Variants in FAM13A observed in about 807,000 individuals in gnomAD.
FAM13A encodes protein FAM13A.
Under a neutral mutation model 129.6 loss-of-function variants are expected in FAM13A, and 76 were observed. That is an observed-to-expected ratio of 0.59 (90% CI 0.49 to 0.71). The LOEUF (loss-of-function observed/expected upper bound fraction) is 0.71. FAM13A is among the 30% of genes least tolerant of loss of function. The pLI is 0.00. For synonymous variants in FAM13A, 443 were observed against 449.9 expected, an observed-to-expected ratio of 0.98 and a Z score of 0.20; for missense variants, 1,108 against 1,249.3, an observed-to-expected ratio of 0.89 and a Z score of 1.70.
At chr4:89,035,412 C>T (rs576447064) in intron 1 of FAM13A, among the ~76,000 whole-genome samples, 1 of 149,314 alleles carries the variant, frequency 6.7e-6, no homozygotes, top group Non-Finnish European at 1.5e-5. Flanking sequence ...TTAGCTACTT[C>T]CATTGGGATA....
intron 8 of FAM13A, among the ~76,000 whole-genome samples, chr4:88,800,942 A>G (rs963301959): frequency 2.0e-5 from 3 of 152,084 alleles, no homozygotes; most frequent in Non-Finnish European, 4.4e-5. Flanking sequence ...CTCCCATGTG[A>G]TAATGAAGGA....
At chr4:88,932,024 G>A (rs1027753697) in intron 5 of FAM13A, among the ~76,000 whole-genome samples, 1 of 152,174 alleles carries the variant, frequency 6.6e-6, no homozygotes, top group African/African-American at 2.4e-5. Context: ...TACAGAAGAG[G>A]TTAGGAATAG....
At chr4:88,831,305 T>C (rs1300182837) in intron 7 of FAM13A, among the ~76,000 whole-genome samples, 1 of 152,208 alleles carries the variant, frequency 6.6e-6, no homozygotes, top group Non-Finnish European at 1.5e-5. Flanking sequence ...ACACCTGAGA[T>C]CAGCTGCCTT....
intron 19 of FAM13A, among the ~76,000 whole-genome samples, chr4:88,745,192 A>T (rs1365157097): frequency 1.3e-5 from 2 of 152,148 alleles, no homozygotes; most frequent in Non-Finnish European, 2.9e-5. Context: ...TGTCTGTAAC[A>T]TCATTTAATC....
chr4:88,781,437 G>T (rs1722840176), intron 10 of FAM13A, 86 bp from the exon 11 acceptor site: 2 of 911,938 alleles, frequency 2.2e-6, no homozygotes, highest in Non-Finnish European at 3.2e-6. Flanking sequence ...TCATACCTAG[G>T]AAATCCAAAG....
chr4:88,848,355 T>C (rs938674469), intron 7 of FAM13A, among the ~76,000 whole-genome samples: 9 of 152,220 alleles, frequency 5.9e-5, no homozygotes, highest in African/African-American at 2.2e-4. Context: ...TTCTATTACC[T>C]CCTGGCTTGC....
rs188608503 is a variant in FAM13A, at chr4:89,001,077, A to C, written c.428-9927T>G. ...GTTAATACTATCTCACAGAGTCAAA[A>C]GCCATATAAGGAAAATAAAGATGCA... On this transcript the variant is annotated intron_variant, in intron 3 of 23. Transcript: ENST00000264344. Among the ~76,000 whole-genome samples, 13 of 152,384 alleles carry C rather than the reference A, an allele frequency of 8.5e-5. No homozygotes were observed. The East Asian group carries it at 2.5e-3, about 29-fold the overall frequency.
chr4:88,896,142 T>C (rs1194423769), intron 6 of FAM13A, among the ~76,000 whole-genome samples: 5 of 151,568 alleles, frequency 3.3e-5, no homozygotes, highest in Non-Finnish European at 5.9e-5. Context: ...AAATTGGAAA[T>C]CATCATTCTC....
At chr4:89,047,659 T>A (rs1003322108) in intron 1 of FAM13A, among the ~76,000 whole-genome samples, 1 of 152,118 alleles carries the variant, frequency 6.6e-6, no homozygotes, top group African/African-American at 2.4e-5. Context: ...CTAGGCTGGG[T>A]TGGCACAGTA....
At chr4:88,747,420 A>G (rs1369603131) in intron 18 of FAM13A, among the ~76,000 whole-genome samples, 1 of 152,212 alleles carries the variant, frequency 6.6e-6, no homozygotes, top group African/African-American at 2.4e-5. Context: ...TAATCTATAC[A>G]ATAGAGTTTT....
intron 4 of FAM13A, among the ~76,000 whole-genome samples, chr4:88,942,553 C>T (rs928162592): frequency 1.3e-5 from 2 of 149,820 alleles, no homozygotes; most frequent in Admixed American, 6.7e-5. Context: ...GGTAACAGAG[C>T]AAGACTCCAT....
intron 21 of FAM13A, among the ~76,000 whole-genome samples, chr4:88,734,630 C>T (rs890692371): frequency 3.9e-5 from 6 of 152,216 alleles, no homozygotes; most frequent in Non-Finnish European, 8.8e-5. Context: ...GATCTGTTCC[C>T]TTGGGGACAT....
chr4:89,055,251 G>C (rs182926477), intron 1 of FAM13A, among the ~76,000 whole-genome samples: 13 of 152,118 alleles, frequency 8.5e-5, no homozygotes, highest in Admixed American at 5.9e-4. Flanking sequence ...TTCTCCAAAA[G>C]CTATCTTTTT....
chr4:89,009,520 T>C (rs548725684), intron 3 of FAM13A, among the ~76,000 whole-genome samples: 94 of 152,340 alleles, frequency 6.2e-4, no homozygotes, highest in African/African-American at 2.2e-3. Context: ...GCCAGGCTTT[T>C]ATTAATGTTA....
At chr4:88,821,002 G>A (rs924364265) in intron 7 of FAM13A, among the ~76,000 whole-genome samples, 1 of 152,146 alleles carries the variant, frequency 6.6e-6, no homozygotes, top group Non-Finnish European at 1.5e-5. Context: ...CTAAGGCTCT[G>A]GAACCTTCCT....
intron 7 of FAM13A, among the ~76,000 whole-genome samples, chr4:88,834,804 C>A (rs1169898457): frequency 6.6e-6 from 1 of 152,060 alleles, no homozygotes; most frequent in African/African-American, 2.4e-5. Flanking sequence ...CAAGTGATAC[C>A]TGAATGAATA....
At chr4:88,996,129 T>C (rs1417353778) in intron 3 of FAM13A, among the ~76,000 whole-genome samples, 2 of 151,830 alleles carry the variant, frequency 1.3e-5, no homozygotes, top group Non-Finnish European at 1.5e-5. Flanking sequence ...GTGGGTGGGG[T>C]GAGTAGCAGG....
intron 5 of FAM13A, among the ~76,000 whole-genome samples, chr4:88,924,538 T>C (rs560348484): frequency 6.6e-6 from 1 of 152,266 alleles, no homozygotes; most frequent in East Asian, 1.9e-4. Context: ...CTTTAAACCT[T>C]ATACAAAAAT....
chr4:88,864,036 G>A (rs989012537), intron 6 of FAM13A, among the ~76,000 whole-genome samples: 22 of 152,188 alleles, frequency 1.4e-4, no homozygotes, highest in African/African-American at 5.3e-4. Flanking sequence ...AATATATTGC[G>A]ATAATAGAAT....
Sources: gnomAD v4.1 joint callset for allele counts (sites outside exome capture counted in the v4.1 genomes callset) on GRCh38, gnomAD v4.1.1 for gene constraint, MANE v1.5 for transcripts, NCBI Gene and HGNC (gene_info 2026-07-23, HGNC 2026-07-21) for gene names.